The following DKK2 variants were observed in gnomAD, a reference collection of about 807,000 sequenced individuals.
DKK2 encodes dickkopf Wnt signaling pathway inhibitor 2.
Under a neutral mutation model 28.1 loss-of-function variants are expected in DKK2, and 11 were observed. That is an observed-to-expected ratio of 0.39 (90% CI 0.25 to 0.65). The LOEUF is 0.65. Ranked by LOEUF, DKK2 falls within the 30% of genes least tolerant of loss-of-function variation. The pLI is 0.47. For missense variants in DKK2, 326 were observed against 335.5 expected (o/e 0.97, Z 0.22); for synonymous variants, 135 against 126.5 (o/e 1.07, Z -0.45).
intron 1 of DKK2, among the ~76,000 whole-genome samples, chr4:106,998,077 T>C (rs1370157963): frequency 1.3e-5 from 2 of 152,168 alleles, no homozygotes; most frequent in Non-Finnish European, 2.9e-5. Context: ...TGAAACACCC[T>C]TTTTGTGAAC....
intron 1 of DKK2, among the ~76,000 whole-genome samples, chr4:106,952,411 A>G (rs1245561460): frequency 6.6e-6 from 1 of 152,182 alleles, no homozygotes; most frequent in Non-Finnish European, 1.5e-5. Context: ...CTAGCATGAT[A>G]GTAGGTATAG....
chr4:106,991,248 C>T (rs889912434), intron 1 of DKK2, among the ~76,000 whole-genome samples: 2 of 151,978 alleles, frequency 1.3e-5, no homozygotes, highest in Non-Finnish European at 2.9e-5. Context: ...TGGAATTGCC[C>T]AGGTTTGTAC....
intron 1 of DKK2, among the ~76,000 whole-genome samples, chr4:107,027,755 G>GTTTTTTTTTT (rs1404063316): frequency 8.1e-6 from 1 of 124,034 alleles, no homozygotes; most frequent in Admixed American, 8.9e-5. Context: ...CACCTATTAT[G>GTTTTTTTTTT]ATTTTTTTTT....
chr4:106,936,655 A>G (rs1390000076), intron 1 of DKK2, among the ~76,000 whole-genome samples: 1 of 152,196 alleles, frequency 6.6e-6, no homozygotes, highest in Admixed American at 6.5e-5. Context: ...ACTCCAAGAC[A>G]CATAATTGTC....
intron 1 of DKK2, among the ~76,000 whole-genome samples, chr4:107,003,463 G>T (rs1188524962): frequency 6.6e-6 from 1 of 152,232 alleles, no homozygotes; most frequent in Non-Finnish European, 1.5e-5. Context: ...CACCCCAGAA[G>T]ATTGAAGAGG....
Position 107,035,934 on chromosome 4 carries a change from C to T in DKK2, c.-343G>A, listed in dbSNP as rs1242120921. ...TCGCACCGCTTCCGTTCCTTCTTGC[C>T]CCGCACCTCCTTGGTCCCGCCGGGA... is the stretch of plus-strand genomic sequence containing the variant. On this transcript the variant is annotated 5_prime_UTR_variant, in exon 1 of 4. Coordinates refer to ENST00000285311, the MANE Select transcript of DKK2 (RefSeq NM_014421.3). The T allele has an allele frequency of 1.8e-5, 6 of 328,914 alleles. No homozygotes were observed. The highest frequency in any genetic ancestry group is 4.5e-5 in the Admixed American group (1 of 21,986). The allele number at this position is 328,914 out of a possible 1,614,324, so 20.4% of individuals were successfully genotyped here.
chr4:106,978,879 C>T (rs889256272), intron 1 of DKK2, among the ~76,000 whole-genome samples: 1 of 151,998 alleles, frequency 6.6e-6, no homozygotes, highest in Admixed American at 6.6e-5. Context: ...AACCCAGGGC[C>T]CTGGTGGTGT....
intron 1 of DKK2, among the ~76,000 whole-genome samples, chr4:106,959,262 C>T (rs1722651758): frequency 6.6e-6 from 1 of 152,126 alleles, no homozygotes; most frequent in East Asian, 1.9e-4. Context: ...CAAATATCCA[C>T]ATCACCAAAA....
At chr4:106,979,071 G>GTT (rs1423479408) in intron 1 of DKK2, among the ~76,000 whole-genome samples, 4 of 143,408 alleles carry the variant, frequency 2.8e-5, no homozygotes, top group East Asian at 2.4e-4. Context: ...TTTTGTTTTT[G>GTT]TTTTTGTTTT....
chr4:107,001,317 T>C (rs954814194), intron 1 of DKK2, among the ~76,000 whole-genome samples: 5 of 152,140 alleles, frequency 3.3e-5, no homozygotes, highest in Non-Finnish European at 7.4e-5. Flanking sequence ...ATTTCTCCCA[T>C]CCAGAGCTGC....
At chr4:107,021,501 C>T (rs887664946) in intron 1 of DKK2, among the ~76,000 whole-genome samples, 1 of 151,958 alleles carries the variant, frequency 6.6e-6, no homozygotes, top group African/African-American at 2.4e-5. Context: ...TATCAAATGT[C>T]TTAGTTTGAT....
chr4:107,014,340 C>T (rs1314605100), intron 1 of DKK2, among the ~76,000 whole-genome samples: 2 of 151,338 alleles, frequency 1.3e-5, no homozygotes, highest in Non-Finnish European at 3.0e-5. Context: ...TTTGCAGCAA[C>T]ATAGATAAAC....
intron 1 of DKK2, among the ~76,000 whole-genome samples, chr4:107,003,658 C>A (rs546941397): frequency 6.6e-6 from 1 of 152,198 alleles, no homozygotes. Context: ...GCATATACAC[C>A]AGATGTCTGA....
chr4:107,009,272 T>G (rs914421252), intron 1 of DKK2, among the ~76,000 whole-genome samples: 7 of 152,118 alleles, frequency 4.6e-5, no homozygotes, highest in African/African-American at 1.4e-4. Context: ...ATGCTCATTT[T>G]GTAACATTTT....
At chr4:106,968,413 CT>C (rs943128394) in intron 1 of DKK2, among the ~76,000 whole-genome samples, 3 of 152,098 alleles carry the variant, frequency 2.0e-5, no homozygotes, top group African/African-American at 7.2e-5. Flanking sequence ...GTAACCAGTT[CT>C]CACACAAGCC....
At chr4:107,006,952 A>G (rs550534975) in intron 1 of DKK2, among the ~76,000 whole-genome samples, 1 of 152,270 alleles carries the variant, frequency 6.6e-6, no homozygotes, top group South Asian at 2.1e-4. Flanking sequence ...CACAACAAAC[A>G]TGTCGAACAT....
chr4:107,020,599 A>C (rs773420322), intron 1 of DKK2, among the ~76,000 whole-genome samples: 19 of 152,112 alleles, frequency 1.2e-4, no homozygotes, highest in Non-Finnish European at 2.8e-4. Context: ...TAAATTGACA[A>C]TTTAGAATTG....
intron 1 of DKK2, among the ~76,000 whole-genome samples, chr4:106,976,138 C>A (rs1392135781): frequency 6.6e-6 from 1 of 152,098 alleles, no homozygotes; most frequent in Non-Finnish European, 1.5e-5. Context: ...TTTCCATTTG[C>A]TGAGCAGTGT....
intron 1 of DKK2, among the ~76,000 whole-genome samples, chr4:107,028,129 C>T (rs1723818747): frequency 6.6e-6 from 1 of 152,018 alleles, no homozygotes; most frequent in Admixed American, 6.6e-5. Flanking sequence ...TAATTATTTG[C>T]CAGCTTGCTT....
Sources: allele counts gnomAD v4.1 joint callset (sites outside exome capture counted in the v4.1 genomes callset), GRCh38; gene constraint gnomAD v4.1.1; transcripts MANE v1.5; gene names NCBI Gene and HGNC (gene_info 2026-07-23, HGNC 2026-07-21).